The following NDFIP1 variants were observed in gnomAD, a reference collection of about 807,000 sequenced individuals.
NDFIP1 encodes the protein NEDD4 family-interacting protein 1.
In NDFIP1, 7 loss-of-function variants were observed where a neutral mutation model predicts 28.8. That is an observed-to-expected ratio of 0.24 (90% CI 0.14 to 0.46). The LOEUF (loss-of-function observed/expected upper bound fraction) is 0.46. Among genes scored for constraint, NDFIP1 ranks in the 20% least tolerant of loss-of-function variants. The pLI is 0.99. For synonymous variants in NDFIP1, 92 were observed against 101.0 expected (o/e 0.91, Z 0.53); for missense variants, 194 against 269.1 (o/e 0.72, Z 1.95).
At chr5:142,111,143 C>T (rs1596779244) in intron 1 of NDFIP1, among the ~76,000 whole-genome samples, 2 of 151,748 alleles carry the variant, frequency 1.3e-5, no homozygotes, top group Non-Finnish European at 2.9e-5. Flanking sequence ...CCCGATCATA[C>T]TTGCACATAC....
At chr5:142,141,237 G>A (rs967848673) in intron 6 of NDFIP1, among the ~76,000 whole-genome samples, 17 of 135,216 alleles carry the variant, frequency 1.3e-4, no homozygotes, top group African/African-American at 4.6e-4. Flanking sequence ...GTGCAGTGGC[G>A]TGATCTCGGC....
chr5:142,108,985 C>A lies in NDFIP1; in HGVS notation c.11C>A (p.Ala4Glu). Residue 4 changes from alanine to glutamate, a missense_variant, in exon 1 of 8, where the codon GCG becomes GAG. By Grantham distance (107) the Ala-to-Glu change is moderately radical. Coordinates refer to ENST00000253814, the MANE Select transcript of NDFIP1 (RefSeq NM_030571.4). The part of the protein sequence containing the change: MAL[A>E]LAALAAVEPA... Reference sequence around the variant, plus strand: ...GCTGCCGGCTGCGCCATGGCGTTGGCGTTGGCGGCGCTGGCGGCGGTCGAG... The same window carrying A: ...GCTGCCGGCTGCGCCATGGCGTTGGAGTTGGCGGCGCTGGCGGCGGTCGAG... 1 of 1,446,102 alleles carries A rather than the reference C, an allele frequency of 6.9e-7. No individual in the cohort carries two copies. The highest frequency in any genetic ancestry group is 9.1e-7 in the Non-Finnish European group (1 of 1,102,744). 89.6% of individuals were successfully genotyped at this position (1,446,102 alleles called of 1,614,324 possible). A position where few individuals can be genotyped will look rare whatever the true frequency, so the allele number is the denominator to read the frequency against.
At chr5:142,134,243 T>C (rs1757252889) in intron 3 of NDFIP1, among the ~76,000 whole-genome samples, 1 of 152,170 alleles carries the variant, frequency 6.6e-6, no homozygotes, top group Non-Finnish European at 1.5e-5. Context: ...CTAGGATGCA[T>C]CATGGTAGAA....
At chr5:142,111,588 C>G (rs1384696951) in intron 1 of NDFIP1, among the ~76,000 whole-genome samples, 1 of 152,204 alleles carries the variant, frequency 6.6e-6, no homozygotes, top group Non-Finnish European at 1.5e-5. Flanking sequence ...GGTTGTCACA[C>G]AGGGCTGTTC....
At chr5:142,126,391 T>C (rs1757170048) in intron 1 of NDFIP1, among the ~76,000 whole-genome samples, 1 of 152,186 alleles carries the variant, frequency 6.6e-6, no homozygotes, top group Non-Finnish European at 1.5e-5. Context: ...TTTTAATAAC[T>C]TAAAGAAGGG....
intron 1 of NDFIP1, among the ~76,000 whole-genome samples, chr5:142,125,073 G>T (rs1757157745): frequency 6.6e-6 from 1 of 152,106 alleles, no homozygotes; most frequent in African/African-American, 2.4e-5. Context: ...TGATCTGCCT[G>T]CCTCGGCCTC....
chr5:142,126,596 T>G (rs2126915326), intron 1 of NDFIP1, among the ~76,000 whole-genome samples: 1 of 152,298 alleles, frequency 6.6e-6, no homozygotes, highest in East Asian at 1.9e-4. Context: ...TTTATGGGTT[T>G]TGTTTAGTGT....
chr5:142,138,360 C>T (rs1757295521), intron 5 of NDFIP1, among the ~76,000 whole-genome samples: 1 of 152,164 alleles, frequency 6.6e-6, no homozygotes, highest in Admixed American at 6.5e-5. Context: ...TAGGAGCCTA[C>T]CTCTCAAGTA....
Position 142,115,581 on chromosome 5 carries a change from G to A in NDFIP1, c.63+6544G>A, listed in dbSNP as rs368331445. On this transcript the variant is annotated intron_variant, in intron 1 of 7. Coordinates refer to ENST00000253814, the MANE Select transcript of NDFIP1 (RefSeq NM_030571.4). ...ATTACAGGTGTGAGCCACTGCGCCC[G>A]GCCTATATTCTTATAATAATGGACA... Among the ~76,000 whole-genome samples, 61 of 152,172 alleles carry A rather than the reference G, an allele frequency of 4.0e-4. 1 individual carries two copies. The South Asian group carries it at 8.9e-3, about 22-fold the overall frequency.
chr5:142,116,003 C>T (rs909218866), intron 1 of NDFIP1, among the ~76,000 whole-genome samples: 1 of 152,144 alleles, frequency 6.6e-6, no homozygotes, highest in South Asian at 2.1e-4. Context: ...TGTGTAAATA[C>T]TATACCATTT....
intron 1 of NDFIP1, among the ~76,000 whole-genome samples, chr5:142,129,648 C>T (rs1037056928): frequency 3.3e-5 from 5 of 151,970 alleles, no homozygotes; most frequent in South Asian, 2.1e-4. Flanking sequence ...GGATTGTGGC[C>T]GGGCACAATG....
At chr5:142,137,654 A>G in intron 4 of NDFIP1, 80 bp from the exon 5 acceptor site, 1 of 1,524,460 alleles carries the variant, frequency 6.6e-7, no homozygotes, top group Non-Finnish European at 8.9e-7. Context: ...AAAGTCATTT[A>G]AACAGAGGCA....
chr5:142,114,471 T>C (rs74892934), intron 1 of NDFIP1, among the ~76,000 whole-genome samples: 2,259 of 152,304 alleles, frequency 0.015, 48 homozygotes, highest in African/African-American at 0.049. Context: ...AACTTTTTAC[T>C]ATGGAAATTT....
intron 7 of NDFIP1, among the ~76,000 whole-genome samples, chr5:142,151,308 T>C (rs181730506): frequency 1.3e-5 from 2 of 152,316 alleles, no homozygotes; most frequent in East Asian, 3.9e-4. Flanking sequence ...CCTTGTGCAA[T>C]ATCTAGTGGA....
chr5:142,108,967 G>C lies in NDFIP1; in HGVS notation c.-8G>C. 6.9e-7 allele frequency: 1 copy of C among 1,442,158 alleles called. No homozygotes were observed. Among genetic ancestry groups the C allele is most frequent in the Non-Finnish European group, 9.1e-7 (1 of 1,101,006 alleles). The allele number at this position is 1,442,158 out of a possible 1,614,324, so 89.3% of individuals were successfully genotyped here. A position where few individuals can be genotyped will look rare whatever the true frequency, so the allele number is the denominator to read the frequency against. On this transcript the variant is annotated 5_prime_UTR_variant, in exon 1 of 8. Transcript: ENST00000253814. ...CGCTCGCTCTGCTTCCCTGCTGCCG[G>C]CTGCGCCATGGCGTTGGCGTTGGCG...
chr5:142,114,300 A>G (rs1420298860), intron 1 of NDFIP1, among the ~76,000 whole-genome samples: 2 of 151,906 alleles, frequency 1.3e-5, no homozygotes, highest in East Asian at 1.9e-4. Context: ...ATTGATCCCT[A>G]TTTCCCTAAT....
chr5:142,129,927 A>G (rs560697473), intron 1 of NDFIP1, among the ~76,000 whole-genome samples: 20 of 138,482 alleles, frequency 1.4e-4, no homozygotes, highest in South Asian at 1.1e-3. Context: ...AAAAAAAAAA[A>G]AAAGAAAGAA....
rs1220344829 is a variant in NDFIP1 at position 142,132,304 on chromosome 5, A to G, written c.244A>G (p.Thr82Ala). ...GCCCAGTTATGATGAAGCGGAGAGG[A>G]CCAAGGCTGAAGCTACTATCCCTTT... ...TLPSYDEAERTKAEATIPLVP... is the reference protein window; with the variant it reads ...TLPSYDEAERAKAEATIPLVP... Residue 82 changes from threonine to alanine, a missense_variant, in exon 3 of 8, where the codon ACC becomes GCC. Transcript: ENST00000253814. 6.2e-7 allele frequency: 1 copy of G among 1,614,196 alleles called. No homozygotes were observed. Among genetic ancestry groups the G allele is most frequent in the South Asian group, 1.1e-5 (1 of 91,074 alleles).
chr5:142,141,873 G>A (rs1191529424), intron 6 of NDFIP1, among the ~76,000 whole-genome samples: 2 of 152,174 alleles, frequency 1.3e-5, no homozygotes, highest in African/African-American at 4.8e-5. Context: ...GCTCACGCCT[G>A]TAATCCCAGC....
Sources: gnomAD v4.1 joint callset for allele counts (sites outside exome capture counted in the v4.1 genomes callset) on GRCh38, gnomAD v4.1.1 for gene constraint, MANE v1.5 for transcripts, NCBI Gene and HGNC (gene_info 2026-07-23, HGNC 2026-07-21) for gene names.